The following TMBIM4 variants were observed in gnomAD, a reference collection of about 807,000 sequenced individuals.
TMBIM4 encodes the protein protein lifeguard 4.
In TMBIM4, 28 loss-of-function variants were observed where a neutral mutation model predicts 27.7. That is an observed-to-expected ratio of 1.01 (90% confidence interval 0.75 to 1.38). TMBIM4 has a LOEUF of 1.38. Among genes scored for constraint, TMBIM4 ranks in the 40% most tolerant of loss-of-function variants. The pLI is 0.00. For missense variants in TMBIM4, 265 were observed against 277.5 expected (o/e 0.95, Z 0.32); for synonymous variants, 115 against 113.1 (o/e 1.02, Z -0.11).
intron 1 of TMBIM4, among the ~76,000 whole-genome samples, chr12:66,155,361 G>GAGAGAGAGAGAGAGAGT (rs1353460191): frequency 2.6e-5 from 2 of 78,024 alleles, no homozygotes; most frequent in Non-Finnish European, 6.5e-5. Flanking sequence ...AGAGAGAGAG[G>GAGAGAGAGAGAGAGAGT]CAGGGTCTCA....
chr12:66,139,845 G>T, intron 5 of TMBIM4: 2 of 447,324 alleles, frequency 4.5e-6, no homozygotes, highest in Non-Finnish European at 9.0e-6. Flanking sequence ...GGAATAGTTT[G>T]CATTCACACA....
chr12:66,169,617 G>A (rs979035811), intron 1 of TMBIM4: 10 of 461,582 alleles, frequency 2.2e-5, no homozygotes, highest in African/African-American at 1.8e-4. Context: ...CAGGACAGCC[G>A]CAAGCCTTCT....
At chr12:66,169,655 G>A (rs1016469981) in intron 1 of TMBIM4, 200 bp downstream of exon 1, 3 of 471,808 alleles carry the variant, frequency 6.4e-6, no homozygotes, top group Admixed American at 4.3e-5. Flanking sequence ...ACACCCGCTA[G>A]GAGGGGAGGA....
At chr12:66,169,344 A>C (rs934505705) in intron 1 of TMBIM4, 1 of 679,732 alleles carries the variant, frequency 1.5e-6, no homozygotes, top group South Asian at 1.6e-5. Flanking sequence ...GACCTGTTGC[A>C]TTCTGGGCCC....
intron 1 of TMBIM4, among the ~76,000 whole-genome samples, chr12:66,163,038 T>C (rs1194243052): frequency 2.0e-5 from 3 of 152,378 alleles, no homozygotes; most frequent in Middle Eastern, 3.4e-3. Flanking sequence ...TGTATGTTAA[T>C]GGTTCAAATG....
intron 3 of TMBIM4, among the ~76,000 whole-genome samples, chr12:66,149,180 C>T (rs1056496879): frequency 1.3e-5 from 2 of 151,990 alleles, no homozygotes; most frequent in African/African-American, 2.4e-5. Context: ...GTGGCTCAGA[C>T]GTGTAATCCC....
intron 5 of TMBIM4, among the ~76,000 whole-genome samples, chr12:66,141,665 T>C (rs2051670989): frequency 6.6e-6 from 1 of 151,788 alleles, no homozygotes; most frequent in Non-Finnish European, 1.5e-5. Context: ...CTAACACAAA[T>C]TAAGAAGAAA....
At chr12:66,166,707 A>G (rs1429343674) in intron 1 of TMBIM4, among the ~76,000 whole-genome samples, 1 of 152,236 alleles carries the variant, frequency 6.6e-6, no homozygotes, top group Non-Finnish European at 1.5e-5. Context: ...AGTGCAAAAT[A>G]GTACAGCCAC....
intron 6 of TMBIM4, 29 bp downstream of exon 6, chr12:66,138,695 T>C: frequency 6.6e-7 from 1 of 1,518,556 alleles, no homozygotes; most frequent in Non-Finnish European, 8.8e-7. Context: ...AGAATTATAT[T>C]TCAAATTAAC....
At chr12:66,169,358 G>C (rs1183685879) in intron 1 of TMBIM4, 10 of 657,970 alleles carry the variant, frequency 1.5e-5, no homozygotes, top group Non-Finnish European at 2.7e-5. Context: ...TGGGCCCTGC[G>C]GAGAGGAAAT....
At chr12:66,147,143 T>C (rs1179465007) in intron 4 of TMBIM4, among the ~76,000 whole-genome samples, 1 of 152,058 alleles carries the variant, frequency 6.6e-6, no homozygotes, top group Non-Finnish European at 1.5e-5. Flanking sequence ...TTACTATTTA[T>C]TTATATTGAT....
intron 1 of TMBIM4, chr12:66,160,069 CACTT>C: frequency 1.6e-6 from 1 of 612,972 alleles, no homozygotes; most frequent in East Asian, 2.8e-5. Flanking sequence ...CAATCACACT[CACTT>C]ACATATCCTC....
At chr12:66,166,128 T>C (rs1194528898) in intron 1 of TMBIM4, among the ~76,000 whole-genome samples, 1 of 152,170 alleles carries the variant, frequency 6.6e-6, no homozygotes, top group Non-Finnish European at 1.5e-5. Flanking sequence ...TGAATGTGGA[T>C]ATTCAATTTT....
At chr12:66,146,802 T>C (rs1242433180) in intron 4 of TMBIM4, among the ~76,000 whole-genome samples, 2 of 152,176 alleles carry the variant, frequency 1.3e-5, no homozygotes, top group East Asian at 3.8e-4. Context: ...TCTCTGTTTA[T>C]GCCATTACAG....
chr12:66,141,581 A>C (rs2136846720), intron 5 of TMBIM4, among the ~76,000 whole-genome samples: 1 of 152,202 alleles, frequency 6.6e-6, no homozygotes, highest in South Asian at 2.1e-4. Context: ...TTTCTAAAAA[A>C]AAAACCTTGT....
At chr12:66,156,730 C>T (rs2051942867) in intron 1 of TMBIM4, among the ~76,000 whole-genome samples, 1 of 152,230 alleles carries the variant, frequency 6.6e-6, no homozygotes, top group Non-Finnish European at 1.5e-5. Flanking sequence ...CTCTCTTCCT[C>T]ACCATGCTTT....
rs956311396 is a variant in TMBIM4 at position 66,137,920 on chromosome 12, T to G, written c.*40A>C. 2.0e-5 allele frequency: 30 copies of G among 1,532,916 alleles called. No individual in the cohort carries two copies. Among genetic ancestry groups the G allele is most frequent in the Non-Finnish European group, 2.7e-5 (30 of 1,114,990 alleles). The allele number at this position is 1,532,916 out of a possible 1,614,324, so 95.0% of individuals were successfully genotyped here. ...ACTTTAATCCTTTTTTCTCATTAAA[T>G]TTTTTTTGTTGTTCTTCAGTTGAGC... On this transcript the variant is annotated 3_prime_UTR_variant, in exon 7 of 7. Transcript: ENST00000358230.
At chr12:66,161,584 G>A (rs924885318) in intron 1 of TMBIM4, among the ~76,000 whole-genome samples, 10 of 152,226 alleles carry the variant, frequency 6.6e-5, no homozygotes, top group Middle Eastern at 3.4e-3. Context: ...AAGTAGTAAC[G>A]CACCGAAGAC....
At chr12:66,139,573 C>T (rs2051633576) in intron 5 of TMBIM4, 2 of 455,662 alleles carry the variant, frequency 4.4e-6, no homozygotes, top group South Asian at 3.1e-5. Context: ...AGAACCCATA[C>T]AGTCACTTGC....
Sources: gnomAD v4.1 joint callset for allele counts (sites outside exome capture counted in the v4.1 genomes callset) on GRCh38, gnomAD v4.1.1 for gene constraint, MANE v1.5 for transcripts, NCBI Gene and HGNC (gene_info 2026-07-23, HGNC 2026-07-21) for gene names.